Variants in ZNHIT6 observed in about 807,000 individuals in gnomAD.
ZNHIT6 encodes box C/D snoRNA protein 1.
ZNHIT6 carries 45 observed loss-of-function variants against 57.2 expected under a neutral mutation model. The observed-to-expected ratio is 0.79, with a 90% CI of 0.62 to 1.01. ZNHIT6 has a LOEUF of 1.01. Among genes scored for constraint, ZNHIT6 ranks in the 50% least tolerant of loss-of-function variants. ZNHIT6 has a pLI of 0.00. For synonymous variants in ZNHIT6, 188 were observed against 190.0 expected (o/e 0.99, Z 0.09); for missense variants, 528 against 567.3 (o/e 0.93, Z 0.70).
At position 85,653,758 on chromosome 1, in the gene ZNHIT6, GA is replaced by G; in HGVS notation, c.*299del. 1.1e-4 allele frequency: 30 copies of G among 261,948 alleles called. No homozygotes were observed. The highest frequency in any genetic ancestry group is 2.8e-4 in the South Asian group (2 of 7,074). The allele number at this position is 261,948 out of a possible 1,614,324, so 16.2% of individuals were successfully genotyped here. ...CCATCTCAAAAAAAGAAAGAAAAAA[GA>G]AAAAAAAAGTTTTCAGTTTATGGAA... is the stretch of plus-strand genomic sequence containing the variant. On this transcript the variant is annotated 3_prime_UTR_variant, in exon 10 of 10. Coordinates refer to ENST00000370574, the MANE Select transcript of ZNHIT6 (RefSeq NM_017953.4).
rs1419519469 is a variant in ZNHIT6, at chr1:85,653,279, A to C, written c.*779T>G. 1 of 152,156 alleles carries C rather than the reference A, an allele frequency of 6.6e-6. No individual in the cohort carries two copies. Among genetic ancestry groups the C allele is most frequent in the African/African-American group, 2.4e-5 (1 of 41,434 alleles). The allele number at this position is 152,156 out of a possible 1,614,324, so 9.4% of individuals were successfully genotyped here. A position where few individuals can be genotyped will look rare whatever the true frequency, so the allele number is the denominator to read the frequency against. On this transcript the variant is annotated 3_prime_UTR_variant, in exon 10 of 10. Coordinates refer to ENST00000370574, the MANE Select transcript of ZNHIT6 (RefSeq NM_017953.4). Reference sequence around the variant, plus strand: ...TTGTACTAGGAGTTTCTCAAGTAGAAAACTTGTCTCACAAGGGTAAGTTAC... The same window carrying C: ...TTGTACTAGGAGTTTCTCAAGTAGACAACTTGTCTCACAAGGGTAAGTTAC...
chr1:85,690,177 T>G (rs190756092), intron 5 of ZNHIT6, among the ~76,000 whole-genome samples: 351 of 152,160 alleles, frequency 2.3e-3, no homozygotes, highest in African/African-American at 6.9e-3. Context: ...ACTATAAAGA[T>G]CCACATTCAG....
chr1:85,667,834 T>C (rs1460324521), intron 8 of ZNHIT6, among the ~76,000 whole-genome samples: 1 of 149,714 alleles, frequency 6.7e-6, no homozygotes, highest in East Asian at 2.0e-4. Context: ...CTTGGGAGGC[T>C]GAGGCACGAG....
chr1:85,700,531 C>T (rs546778056), intron 5 of ZNHIT6, among the ~76,000 whole-genome samples: 9 of 152,044 alleles, frequency 5.9e-5, no homozygotes, highest in African/African-American at 1.7e-4. Context: ...GTAATATTCT[C>T]GGTAAAAACT....
intron 8 of ZNHIT6, among the ~76,000 whole-genome samples, chr1:85,667,201 C>T (rs142800978): frequency 1.1e-4 from 16 of 152,186 alleles, no homozygotes; most frequent in African/African-American, 3.1e-4. Flanking sequence ...CAGCTGTAGA[C>T]GGGCTATCCA....
At chr1:85,654,955 A>G (rs1661021427) in intron 9 of ZNHIT6, among the ~76,000 whole-genome samples, 1 of 152,206 alleles carries the variant, frequency 6.6e-6, no homozygotes, top group African/African-American at 2.4e-5. Flanking sequence ...AGCTGATGCT[A>G]GAAGCACACA....
intron 9 of ZNHIT6, among the ~76,000 whole-genome samples, chr1:85,655,613 A>C (rs1435741664): frequency 1.3e-5 from 2 of 152,108 alleles, no homozygotes; most frequent in African/African-American, 4.8e-5. Flanking sequence ...ATAGGGTTCC[A>C]TTCTTTTTTC....
In ZNHIT6 at chr1:85,684,825, C is replaced by T. The variant is rs376120003; in HGVS notation, c.1020-3921G>A. ...ACCATAATCTAAATTATTCTTTTGACTTCATAACTTCAAATTGCAAATTTT... is the reference window on the plus strand; with the variant it reads ...ACCATAATCTAAATTATTCTTTTGATTTCATAACTTCAAATTGCAAATTTT... On this transcript the variant is annotated intron_variant, in intron 5 of 9. Transcript: ENST00000370574. 2.2e-4 allele frequency among the ~76,000 whole-genome samples: 34 copies of T among 152,274 alleles called. No homozygotes were observed. In the South Asian group the frequency reaches 7.1e-3, roughly 32 times the overall value.
intron 9 of ZNHIT6, among the ~76,000 whole-genome samples, chr1:85,656,402 C>A (rs565218343): frequency 5.6e-4 from 85 of 152,104 alleles, no homozygotes; most frequent in Admixed American, 1.3e-3. Context: ...GCTCCCAGTA[C>A]GCTAGTAAAG....
At chr1:85,696,393 G>A (rs990636718) in intron 5 of ZNHIT6, among the ~76,000 whole-genome samples, 2 of 151,848 alleles carry the variant, frequency 1.3e-5, no homozygotes, top group African/African-American at 2.4e-5. Context: ...GTCATGGATA[G>A]TATTCCATGA....
At chr1:85,680,206 C>T (rs984413723) in intron 6 of ZNHIT6, among the ~76,000 whole-genome samples, 1 of 152,282 alleles carries the variant, frequency 6.6e-6, no homozygotes, top group Non-Finnish European at 1.5e-5. Context: ...ATCCTGCCCC[C>T]ACTCCCCTCC....
At chr1:85,664,528 T>C (rs898436832) in intron 8 of ZNHIT6, among the ~76,000 whole-genome samples, 3 of 152,130 alleles carry the variant, frequency 2.0e-5, no homozygotes, top group African/African-American at 4.8e-5. Context: ...AGCAAACTAA[T>C]GCAGGACAGA....
chr1:85,704,229 G>A (rs1176346588), intron 4 of ZNHIT6, among the ~76,000 whole-genome samples: 2 of 152,158 alleles, frequency 1.3e-5, no homozygotes, highest in Non-Finnish European at 2.9e-5. Flanking sequence ...TAGGCAAATT[G>A]AAGATATGCA....
intron 8 of ZNHIT6, among the ~76,000 whole-genome samples, chr1:85,673,074 T>C (rs1661605754): frequency 6.6e-6 from 1 of 152,186 alleles, no homozygotes; most frequent in Non-Finnish European, 1.5e-5. Context: ...AAACCACTCA[T>C]TTACTTTCTG....
intron 8 of ZNHIT6, among the ~76,000 whole-genome samples, chr1:85,673,484 T>A (rs992561029): frequency 6.6e-6 from 1 of 152,130 alleles, no homozygotes; most frequent in African/African-American, 2.4e-5. Flanking sequence ...CATGAGACAA[T>A]TGCTATATAC....
At chr1:85,665,459 T>C (rs1400483851) in intron 8 of ZNHIT6, among the ~76,000 whole-genome samples, 1 of 152,072 alleles carries the variant, frequency 6.6e-6, no homozygotes, top group Non-Finnish European at 1.5e-5. Flanking sequence ...GTATATGTTG[T>C]GAAATAATAT....
rs891541144 is a variant in ZNHIT6, at chr1:85,652,301, A to T, written c.*1757T>A. ...TCCTAATAACAACACGTTTCACTCA[A>T]TTCATCTATTTCTTGCTGGTTTCAA... is the stretch of plus-strand genomic sequence containing the variant. On this transcript the variant is annotated 3_prime_UTR_variant, in exon 10 of 10. Coordinates refer to ENST00000370574, the MANE Select transcript of ZNHIT6 (RefSeq NM_017953.4). The T allele has an allele frequency of 6.6e-6, 1 of 152,148 alleles. No individual in the cohort carries two copies. The highest frequency in any genetic ancestry group is 2.4e-5 in the African/African-American group (1 of 41,426). The allele number at this position is 152,148 out of a possible 1,614,324, so 9.4% of individuals were successfully genotyped here. A position where few individuals can be genotyped will look rare whatever the true frequency, so the allele number is the denominator to read the frequency against.
rs192814981 is a variant in ZNHIT6 at position 85,695,812 on chromosome 1, G to A, written c.1019+6345C>T. 2.7e-3 allele frequency among the ~76,000 whole-genome samples: 410 copies of A among 152,314 alleles called. 3 individuals carry two copies. The highest frequency in any genetic ancestry group is 9.3e-3 in the African/African-American group (385 of 41,564). ...AACACTTTGGGAGGCCGAGGCGGGCGGATCACAAGGTCAGGAGATCCAGAC... is the reference window on the plus strand; with the variant it reads ...AACACTTTGGGAGGCCGAGGCGGGCAGATCACAAGGTCAGGAGATCCAGAC... On this transcript the variant is annotated intron_variant, in intron 5 of 9. Coordinates refer to ENST00000370574, the MANE Select transcript of ZNHIT6 (RefSeq NM_017953.4).
intron 5 of ZNHIT6, among the ~76,000 whole-genome samples, chr1:85,683,896 C>A (rs1661951333): frequency 6.6e-6 from 1 of 152,012 alleles, no homozygotes; most frequent in African/African-American, 2.4e-5. Flanking sequence ...TAGGACTCCA[C>A]CCTCTAGATG....
Sources: gnomAD v4.1 joint callset for allele counts (sites outside exome capture counted in the v4.1 genomes callset) on GRCh38, gnomAD v4.1.1 for gene constraint, MANE v1.5 for transcripts, NCBI Gene and HGNC (gene_info 2026-07-23, HGNC 2026-07-21) for gene names.